Variants in ARHGAP24 observed in about 807,000 individuals in gnomAD.
ARHGAP24 encodes the protein Rho GTPase activating protein 24.
ARHGAP24 carries 50 observed loss-of-function variants against 76.4 expected under a neutral mutation model. The ratio of observed to expected loss-of-function variants is 0.65; its 90% CI spans 0.52 to 0.83. The LOEUF (loss-of-function observed/expected upper bound fraction) is 0.83. ARHGAP24 is among the 40% of genes least tolerant of loss of function. ARHGAP24 has a pLI of 0.00. For missense variants in ARHGAP24, 930 were observed against 914.2 expected, an observed-to-expected ratio of 1.02 and a Z score of -0.22; for synonymous variants, 345 against 323.3, an observed-to-expected ratio of 1.07 and a Z score of -0.72.
At chr4:85,749,541 C>T (rs796415651) in intron 3 of ARHGAP24, among the ~76,000 whole-genome samples, 31 of 152,254 alleles carry the variant, frequency 2.0e-4, no homozygotes, top group African/African-American at 7.5e-4. Context: ...CTACAACCCC[C>T]ACAGATACAG....
intron 3 of ARHGAP24, among the ~76,000 whole-genome samples, chr4:85,890,429 A>G (rs1578350742): frequency 6.6e-6 from 1 of 152,300 alleles, no homozygotes; most frequent in African/African-American, 2.4e-5. Context: ...TAGGAGAGAT[A>G]GTTAAGCAAA....
chr4:85,840,837 G>A (rs558035921), intron 3 of ARHGAP24, among the ~76,000 whole-genome samples: 2 of 152,228 alleles, frequency 1.3e-5, no homozygotes, highest in Non-Finnish European at 2.9e-5. Flanking sequence ...GGTATAAGCA[G>A]ATAGAGCTAT....
At chr4:85,934,620 T>G (rs1035761262) in intron 4 of ARHGAP24, among the ~76,000 whole-genome samples, 1 of 152,170 alleles carries the variant, frequency 6.6e-6, no homozygotes, top group Non-Finnish European at 1.5e-5. Flanking sequence ...GTTCAAGTGA[T>G]TCTCCTAGCT....
intron 3 of ARHGAP24, among the ~76,000 whole-genome samples, chr4:85,821,969 G>T (rs917366954): frequency 6.6e-6 from 1 of 152,090 alleles, no homozygotes; most frequent in Non-Finnish European, 1.5e-5. Context: ...TTGTTGTTTT[G>T]AAAATATTAC....
intron 1 of ARHGAP24, among the ~76,000 whole-genome samples, chr4:85,478,287 G>A (rs1285128663): frequency 6.6e-6 from 1 of 152,190 alleles, no homozygotes; most frequent in Non-Finnish European, 1.5e-5. Context: ...TTGTTAAATG[G>A]TCAGCTTAGC....
intron 3 of ARHGAP24, among the ~76,000 whole-genome samples, chr4:85,828,515 GT>G (rs74978126): frequency 0.017 from 2,519 of 144,214 alleles, 67 homozygotes; most frequent in African/African-American, 0.056. Context: ...CTGCGTGTGT[GT>G]TTTTTTTTTT....
chr4:85,833,496 A>G (rs1260315929), intron 3 of ARHGAP24, among the ~76,000 whole-genome samples: 1 of 152,044 alleles, frequency 6.6e-6, no homozygotes, highest in African/African-American at 2.4e-5. Context: ...AAAAAAAAAC[A>G]ACAACAACAC....
At chr4:85,572,879 T>C (rs1727194168) in intron 2 of ARHGAP24, among the ~76,000 whole-genome samples, 2 of 144,052 alleles carry the variant, frequency 1.4e-5, no homozygotes, top group Admixed American at 6.9e-5. Context: ...TCTTTCTTTT[T>C]TTTTTTTTTT....
At chr4:85,754,833 C>T (rs576423033) in intron 3 of ARHGAP24, among the ~76,000 whole-genome samples, 7 of 152,210 alleles carry the variant, frequency 4.6e-5, no homozygotes, top group Non-Finnish European at 1.0e-4. Flanking sequence ...CTGTTGTTAT[C>T]ATGCGACACT....
chr4:85,598,925 T>C (rs1042994418), intron 2 of ARHGAP24, among the ~76,000 whole-genome samples: 1 of 151,694 alleles, frequency 6.6e-6, no homozygotes, highest in African/African-American at 2.4e-5. Context: ...TCATATATTT[T>C]ACTTAATGGA....
At chr4:85,486,292 T>C (rs1397044645) in intron 1 of ARHGAP24, among the ~76,000 whole-genome samples, 3 of 152,014 alleles carry the variant, frequency 2.0e-5, no homozygotes, top group African/African-American at 4.8e-5. Context: ...TTTTTTTTTA[T>C]CTTGACAATG....
intron 1 of ARHGAP24, among the ~76,000 whole-genome samples, chr4:85,515,228 C>A (rs774570943): frequency 3.4e-4 from 52 of 152,052 alleles, no homozygotes; most frequent in Non-Finnish European, 6.5e-4. Flanking sequence ...TTTTTGTTTT[C>A]ATTCTTTTGG....
intron 1 of ARHGAP24, among the ~76,000 whole-genome samples, chr4:85,540,483 G>A (rs921900985): frequency 3.3e-5 from 5 of 152,104 alleles, no homozygotes; most frequent in African/African-American, 1.2e-4. Context: ...GTTATAAGCA[G>A]CTATAAGCAG....
intron 1 of ARHGAP24, among the ~76,000 whole-genome samples, chr4:85,504,201 A>G (rs911232607): frequency 6.6e-5 from 10 of 152,144 alleles, no homozygotes; most frequent in African/African-American, 2.4e-4. Context: ...CTGTTGATTT[A>G]GGGTGGAGAG....
intron 1 of ARHGAP24, among the ~76,000 whole-genome samples, chr4:85,549,070 T>C (rs1726025618): frequency 6.6e-6 from 1 of 151,792 alleles, no homozygotes. Flanking sequence ...TGAGTAGCAT[T>C]TGGGTTACTT....
At chr4:85,924,981 C>T (rs1735937370) in intron 4 of ARHGAP24, among the ~76,000 whole-genome samples, 1 of 152,160 alleles carries the variant, frequency 6.6e-6, no homozygotes, top group African/African-American at 2.4e-5. Flanking sequence ...TGGATGACAA[C>T]ACATACGGTT....
At chr4:85,801,278 A>T (rs1230056724) in intron 3 of ARHGAP24, among the ~76,000 whole-genome samples, 2 of 152,194 alleles carry the variant, frequency 1.3e-5, no homozygotes, top group African/African-American at 2.4e-5. Flanking sequence ...GTGCCCTACA[A>T]ATAGTGCTTT....
intron 3 of ARHGAP24, among the ~76,000 whole-genome samples, chr4:85,915,628 T>G (rs1485399595): frequency 6.6e-6 from 1 of 151,722 alleles, no homozygotes; most frequent in Admixed American, 6.6e-5. Flanking sequence ...TATTCATGTG[T>G]TCTCGTCGTT....
intron 2 of ARHGAP24, among the ~76,000 whole-genome samples, chr4:85,596,207 G>A (rs563655952): frequency 6.6e-4 from 100 of 151,986 alleles, no homozygotes; most frequent in African/African-American, 2.3e-3. Context: ...GAAGAAAATA[G>A]CAATGCAGTT....
Sources: gnomAD v4.1 joint callset for allele counts (sites outside exome capture counted in the v4.1 genomes callset) on GRCh38, gnomAD v4.1.1 for gene constraint, MANE v1.5 for transcripts, NCBI Gene and HGNC (gene_info 2026-07-23, HGNC 2026-07-21) for gene names.